Variants in TAFA2 observed in about 807,000 individuals in gnomAD.
The protein encoded by TAFA2 is chemokine-like protein TAFA-2.
TAFA2 carries 7 observed loss-of-function variants against 18.8 expected under a neutral mutation model. The observed-to-expected ratio is 0.37, with a 90% CI of 0.21 to 0.70. TAFA2 has a LOEUF of 0.70. Ranked by LOEUF, TAFA2 falls within the 30% of genes least tolerant of loss-of-function variation. TAFA2 has a pLI of 0.53. For missense variants in TAFA2, 122 were observed against 158.1 expected (o/e 0.77, Z 1.23); for synonymous variants, 60 against 54.2 (o/e 1.11, Z -0.47).
At chr12:62,072,636 G>T (rs1377290385) in intron 1 of TAFA2, among the ~76,000 whole-genome samples, 1 of 151,864 alleles carries the variant, frequency 6.6e-6, no homozygotes, top group Non-Finnish European at 1.5e-5. Flanking sequence ...CAAAAAATTA[G>T]CAGGGTGAGG....
chr12:61,739,528 T>C lies in TAFA2; in HGVS notation c.384+14094A>G, dbSNP rs201626744. Among the ~76,000 whole-genome samples the C allele has an allele frequency of 5.9e-5, 9 of 152,214 alleles. No individual in the cohort carries two copies. In the East Asian group the frequency reaches 1.7e-3, roughly 30 times the overall value. On this transcript the variant is annotated intron_variant, in intron 4 of 4. Transcript: ENST00000416284. ...ATATTTATCTTTACCTTCAGTATCA[T>C]ATAGTGATGTGAAACAGTTTTACTG...
intron 1 of TAFA2, among the ~76,000 whole-genome samples, chr12:62,064,361 C>G (rs1322321392): frequency 6.6e-6 from 1 of 151,978 alleles, no homozygotes; most frequent in Non-Finnish European, 1.5e-5. Context: ...CCTGTAGTTG[C>G]CATTCCACAA....
intron 1 of TAFA2, among the ~76,000 whole-genome samples, chr12:61,916,446 A>G (rs888929383): frequency 2.6e-5 from 4 of 152,216 alleles, no homozygotes; most frequent in African/African-American, 4.8e-5. Flanking sequence ...GACATACAGA[A>G]AAGGGTTGAT....
At chr12:61,976,870 T>C (rs1278302563) in intron 1 of TAFA2, among the ~76,000 whole-genome samples, 1 of 152,124 alleles carries the variant, frequency 6.6e-6, no homozygotes, top group East Asian at 1.9e-4. Context: ...TTTTTATGGC[T>C]GCATAGTATT....
intron 2 of TAFA2, among the ~76,000 whole-genome samples, chr12:61,777,788 AC>A (rs1456594500): frequency 6.6e-6 from 1 of 151,778 alleles, no homozygotes; most frequent in East Asian, 2.0e-4. Flanking sequence ...CATATAAAGC[AC>A]CTGCTACAGT....
At chr12:61,732,350 G>A (rs1041141129) in intron 4 of TAFA2, among the ~76,000 whole-genome samples, 1 of 152,072 alleles carries the variant, frequency 6.6e-6, no homozygotes, top group South Asian at 2.1e-4. Flanking sequence ...TTGTTTATTC[G>A]ATGAATAACT....
intron 1 of TAFA2, among the ~76,000 whole-genome samples, chr12:61,933,418 G>C (rs936081613): frequency 6.6e-6 from 1 of 152,118 alleles, no homozygotes. Flanking sequence ...AGGGCTAAAA[G>C]ATATGTTTCC....
chr12:62,216,115 T>C (rs1486825676), intron 1 of TAFA2, among the ~76,000 whole-genome samples: 1 of 152,166 alleles, frequency 6.6e-6, no homozygotes, highest in African/African-American at 2.4e-5. Context: ...TAAAGCATCA[T>C]TACATTCCTC....
chr12:62,102,182 T>C (rs1388738987), intron 1 of TAFA2, among the ~76,000 whole-genome samples: 1 of 152,208 alleles, frequency 6.6e-6, no homozygotes, highest in Non-Finnish European at 1.5e-5. Flanking sequence ...TATATTTTCT[T>C]TGAGTTTAAA....
intron 1 of TAFA2, chr12:62,070,692 T>G (rs1882608736): frequency 6.6e-6 from 1 of 152,238 alleles, no homozygotes; most frequent in African/African-American, 2.4e-5. Context: ...CCTAACTGCC[T>G]TGGACTCCGA....
chr12:61,882,220 T>C (rs1875177711), intron 1 of TAFA2, among the ~76,000 whole-genome samples: 1 of 152,154 alleles, frequency 6.6e-6, no homozygotes, highest in Admixed American at 6.5e-5. Flanking sequence ...CTCTACACTT[T>C]AGCAGTGGCA....
At chr12:62,159,986 T>C (rs2136929033) in intron 1 of TAFA2, among the ~76,000 whole-genome samples, 1 of 152,236 alleles carries the variant, frequency 6.6e-6, no homozygotes, top group Non-Finnish European at 1.5e-5. Context: ...ACTCTATGTA[T>C]TTTAGCTTCT....
chr12:62,026,769 A>C (rs1881322382), intron 1 of TAFA2, among the ~76,000 whole-genome samples: 1 of 152,186 alleles, frequency 6.6e-6, no homozygotes, highest in Non-Finnish European at 1.5e-5. Flanking sequence ...GGGGATTTAG[A>C]GTTTAAACAA....
intron 1 of TAFA2, among the ~76,000 whole-genome samples, chr12:62,165,461 C>G (rs1478741746): frequency 6.6e-6 from 1 of 152,094 alleles, no homozygotes; most frequent in Non-Finnish European, 1.5e-5. Context: ...TTATCTTGAG[C>G]CCTAGTCTTT....
At chr12:61,898,515 C>A (rs928095778) in intron 1 of TAFA2, among the ~76,000 whole-genome samples, 2 of 152,212 alleles carry the variant, frequency 1.3e-5, no homozygotes, top group African/African-American at 4.8e-5. Flanking sequence ...CTTCTGTAAA[C>A]CCACAGGACT....
chr12:62,198,784 T>C (rs996778969), intron 1 of TAFA2, among the ~76,000 whole-genome samples: 2 of 152,226 alleles, frequency 1.3e-5, no homozygotes, highest in African/African-American at 4.8e-5. Context: ...ACTTATGCTA[T>C]CCCCATCCCC....
At chr12:61,887,556 G>T (rs1875439468) in intron 1 of TAFA2, among the ~76,000 whole-genome samples, 1 of 149,358 alleles carries the variant, frequency 6.7e-6, no homozygotes, top group South Asian at 2.2e-4. Flanking sequence ...CTAGCATTAG[G>T]TATATCTCCC....
At chr12:61,841,099 G>C (rs1019942814) in intron 2 of TAFA2, among the ~76,000 whole-genome samples, 3 of 151,828 alleles carry the variant, frequency 2.0e-5, no homozygotes, top group Non-Finnish European at 4.4e-5. Flanking sequence ...CAAGAGGCCG[G>C]ACAATGGTCT....
chr12:62,162,628 G>A (rs1592375318), intron 1 of TAFA2, among the ~76,000 whole-genome samples: 1 of 152,174 alleles, frequency 6.6e-6, no homozygotes, highest in East Asian at 1.9e-4. Flanking sequence ...AGTATCATAT[G>A]TGAACTGTGG....
Sources: allele counts gnomAD v4.1 joint callset (sites outside exome capture counted in the v4.1 genomes callset), GRCh38; gene constraint gnomAD v4.1.1; transcripts MANE v1.5; gene names NCBI Gene and HGNC (gene_info 2026-07-23, HGNC 2026-07-21).